Variants in DCC observed in about 807,000 individuals in gnomAD.
The protein encoded by DCC is DCC netrin 1 receptor.
Under a neutral mutation model 172.5 loss-of-function variants are expected in DCC, and 58 were observed. That is an observed-to-expected ratio of 0.34 (90% CI 0.27 to 0.42). The LOEUF (loss-of-function observed/expected upper bound fraction) is 0.42, where lower values mean the gene tolerates loss of function less well. Among genes scored for constraint, DCC ranks in the 10% least tolerant of loss-of-function variants. DCC has a pLI of 1.00. For synonymous variants in DCC, 709 were observed against 644.5 expected, an observed-to-expected ratio of 1.10 and a Z score of -1.52; for missense variants, 1,740 against 1,791.0, an observed-to-expected ratio of 0.97 and a Z score of 0.51.
chr18:52,977,385 A>G (rs998569889), intron 5 of DCC, among the ~76,000 whole-genome samples: 2 of 152,284 alleles, frequency 1.3e-5, no homozygotes, highest in East Asian at 3.9e-4. Context: ...CCATGAGGAC[A>G]TTTAAAAAGA....
intron 1 of DCC, among the ~76,000 whole-genome samples, chr18:52,685,871 G>A (rs2035824240): frequency 6.6e-6 from 1 of 152,038 alleles, no homozygotes. Context: ...ATATGCACTT[G>A]GTCACTACTA....
chr18:53,214,605 C>G (rs538969490), intron 11 of DCC, among the ~76,000 whole-genome samples: 1 of 152,186 alleles, frequency 6.6e-6, no homozygotes, highest in South Asian at 2.1e-4. Context: ...TTCTATTAAA[C>G]TCATCTATTT....
chr18:53,294,834 C>A (rs940186223), intron 12 of DCC, among the ~76,000 whole-genome samples: 15 of 152,180 alleles, frequency 9.9e-5, no homozygotes, highest in Non-Finnish European at 2.2e-4. Flanking sequence ...AGAGCTTAAT[C>A]TCTAGGTAAG....
chr18:53,295,071 C>G (rs776043370), intron 12 of DCC, among the ~76,000 whole-genome samples: 2 of 152,020 alleles, frequency 1.3e-5, no homozygotes, highest in African/African-American at 4.8e-5. Context: ...TATTACCCAA[C>G]GTGTACTTAA....
chr18:52,443,991 TG>T (rs1988047254), intron 1 of DCC, among the ~76,000 whole-genome samples: 1 of 152,168 alleles, frequency 6.6e-6, no homozygotes, highest in African/African-American at 2.4e-5. Flanking sequence ...TTATAGAATC[TG>T]GCTGCTGATT....
At chr18:53,337,051 G>T (rs1208696472) in intron 14 of DCC, among the ~76,000 whole-genome samples, 20 of 152,208 alleles carry the variant, frequency 1.3e-4, no homozygotes. Context: ...GAGCCAGTTG[G>T]TGTACACATT....
intron 1 of DCC, among the ~76,000 whole-genome samples, chr18:52,408,388 T>G (rs1479446309): frequency 2.0e-5 from 3 of 152,046 alleles, no homozygotes; most frequent in Non-Finnish European, 2.9e-5. Flanking sequence ...ATATCTACAA[T>G]GACAAATGCT....
At chr18:53,452,222 T>C (rs976900058) in intron 23 of DCC, among the ~76,000 whole-genome samples, 2 of 152,214 alleles carry the variant, frequency 1.3e-5, no homozygotes, top group African/African-American at 4.8e-5. Context: ...AGCAGGTCTC[T>C]GAAGCAGAGT....
intron 1 of DCC, among the ~76,000 whole-genome samples, chr18:52,622,791 A>G (rs55824094): frequency 0.021 from 3,220 of 152,106 alleles, 106 homozygotes; most frequent in East Asian, 0.091. Context: ...TCTTTCCCTC[A>G]CTGCCCCTTA....
chr18:53,444,082 A>C (rs939104662), intron 22 of DCC, among the ~76,000 whole-genome samples: 1 of 152,352 alleles, frequency 6.6e-6, no homozygotes, highest in African/African-American at 2.4e-5. Context: ...ATATTACGTA[A>C]ACTTAGTTGA....
At chr18:53,331,613 G>T (rs936762342) in intron 14 of DCC, among the ~76,000 whole-genome samples, 1 of 152,206 alleles carries the variant, frequency 6.6e-6, no homozygotes. Flanking sequence ...GAAGTTGGCA[G>T]TGTTTAAATA....
intron 2 of DCC, among the ~76,000 whole-genome samples, chr18:52,812,610 G>T (rs978254500): frequency 6.6e-6 from 1 of 152,162 alleles, no homozygotes; most frequent in Non-Finnish European, 1.5e-5. Context: ...GCCAAAACCT[G>T]GGTAGAACTC....
intron 3 of DCC, among the ~76,000 whole-genome samples, chr18:52,920,853 A>T (rs1287693197): frequency 6.6e-6 from 1 of 152,092 alleles, no homozygotes; most frequent in Non-Finnish European, 1.5e-5. Context: ...AAAATAAGTA[A>T]CCTATCAAGC....
intron 11 of DCC, among the ~76,000 whole-genome samples, chr18:53,209,659 A>G (rs2055714998): frequency 6.6e-6 from 1 of 152,198 alleles, no homozygotes; most frequent in Non-Finnish European, 1.5e-5. Flanking sequence ...CTTTGGTATC[A>G]TTTTTAATGT....
chr18:52,721,616 C>A (rs1254922829), intron 1 of DCC, among the ~76,000 whole-genome samples: 1 of 152,172 alleles, frequency 6.6e-6, no homozygotes, highest in Non-Finnish European at 1.5e-5. Context: ...GTGAGGAGGA[C>A]TTCACTAAGG....
chr18:52,390,119 A>C (rs1985973452), intron 1 of DCC, among the ~76,000 whole-genome samples: 1 of 152,052 alleles, frequency 6.6e-6, no homozygotes, highest in Non-Finnish European at 1.5e-5. Context: ...CCCAGGCAGC[A>C]AAAGATCTGT....
At chr18:52,848,336 C>T (rs957169565) in intron 2 of DCC, among the ~76,000 whole-genome samples, 5 of 152,070 alleles carry the variant, frequency 3.3e-5, no homozygotes, top group African/African-American at 4.8e-5. Flanking sequence ...ATTTGCCCAC[C>T]TCGGCCTCCC....
chr18:52,756,686 C>T (rs908838683), intron 2 of DCC, among the ~76,000 whole-genome samples: 19 of 152,182 alleles, frequency 1.2e-4, no homozygotes, highest in African/African-American at 4.6e-4. Flanking sequence ...GAACTTGCAT[C>T]TGGCCAAGCA....
At chr18:52,484,228 C>G (rs1025307499) in intron 1 of DCC, among the ~76,000 whole-genome samples, 1 of 152,102 alleles carries the variant, frequency 6.6e-6, no homozygotes, top group African/African-American at 2.4e-5. Context: ...TTTATCAAGA[C>G]CATCCTACTC....
Sources: allele counts gnomAD v4.1 joint callset (sites outside exome capture counted in the v4.1 genomes callset), GRCh38; gene constraint gnomAD v4.1.1; transcripts MANE v1.5; gene names NCBI Gene and HGNC (gene_info 2026-07-23, HGNC 2026-07-21).